GPR89B: variants seen among roughly 807,000 people sequenced by gnomAD.
The protein encoded by GPR89B is G protein-coupled receptor 89B.
Under a neutral mutation model 52.4 loss-of-function variants are expected in GPR89B, and 25 were observed. The ratio of observed to expected loss-of-function variants is 0.48; its 90% CI spans 0.35 to 0.67. GPR89B has a LOEUF of 0.67. GPR89B is among the 30% of genes least tolerant of loss of function. The probability of loss-of-function intolerance (pLI) is 0.01; values close to 1 mark genes in which losing one functional copy is unlikely to be tolerated. For synonymous variants in GPR89B, 52 were observed against 151.2 expected, an observed-to-expected ratio of 0.34 and a Z score of 4.81; for missense variants, 146 against 450.2, an observed-to-expected ratio of 0.32 and a Z score of 6.11.
At chr1:147,976,065 C>A (rs1657804779) in intron 10 of GPR89B, among the ~76,000 whole-genome samples, 3 of 152,276 alleles carry the variant, frequency 2.0e-5, no homozygotes. Flanking sequence ...GAGTGTTCTA[C>A]TTCCAATTAT....
chr1:147,949,029 T>C (rs1553250284), intron 5 of GPR89B, among the ~76,000 whole-genome samples: 1 of 152,146 alleles, frequency 6.6e-6, no homozygotes, highest in Non-Finnish European at 1.5e-5. Context: ...TTAATCCATT[T>C]AACCCTGAGT....
intron 4 of GPR89B, among the ~76,000 whole-genome samples, 188 bp downstream of exon 4, chr1:147,943,732 A>G (rs1420649183): frequency 6.6e-6 from 1 of 151,648 alleles, no homozygotes; most frequent in Non-Finnish European, 1.5e-5. Context: ...TAAATATTGA[A>G]TGAATGATTA....
At chr1:147,964,065 T>C (rs1270499160) in intron 7 of GPR89B, among the ~76,000 whole-genome samples, 15 of 151,992 alleles carry the variant, frequency 9.9e-5, no homozygotes, top group Non-Finnish European at 1.5e-4. Context: ...AGGTGCACCC[T>C]GAAAGATCCT....
rs1414692148 is a variant in GPR89B, at chr1:147,973,781, T to C, written c.909+3822T>C. Among the ~76,000 whole-genome samples, 848 of 151,996 alleles carry C rather than the reference T, an allele frequency of 5.6e-3. 22 individuals carry two copies. The highest frequency in any genetic ancestry group is 0.019 in the African/African-American group (799 of 41,292). On this transcript the variant is annotated intron_variant, in intron 10 of 13. Coordinates refer to ENST00000314163, the MANE Select transcript of GPR89B (RefSeq NM_016334.5). ...GAATGGTATTGCCTAGATTTTCTTC[T>C]AGGTTTTTTATAGTTTGGGGTTTTA...
the GPR89B span, among the ~76,000 whole-genome samples, chr1:148,006,081 A>G: frequency 6.6e-6 from 1 of 152,242 alleles, no homozygotes; most frequent in African/African-American, 2.4e-5. Context: ...ATCTAAAATC[A>G]CAGTTATAGC....
At chr1:147,989,697 T>C (rs1571322833) in intron 12 of GPR89B, among the ~76,000 whole-genome samples, 1 of 152,192 alleles carries the variant, frequency 6.6e-6, no homozygotes, top group East Asian at 1.9e-4. Flanking sequence ...CTTTTTGTCC[T>C]TGCGATAGTT....
At chr1:147,959,012 T>A (rs1308744948) in intron 7 of GPR89B, among the ~76,000 whole-genome samples, 75 of 152,042 alleles carry the variant, frequency 4.9e-4, no homozygotes, top group Non-Finnish European at 9.7e-4. Flanking sequence ...TTTTACAAAA[T>A]AAAATTTTTT....
At position 147,971,766 on chromosome 1, in the gene GPR89B, C is replaced by T. The variant is rs1340242144; in HGVS notation, c.909+1807C>T. ...AAGTGCTGGGATTACAGGCGTGAGC[C>T]ACTGCACCCAGCCAGCATGTCATTT... is the stretch of plus-strand genomic sequence containing the variant. On this transcript the variant is annotated intron_variant, in intron 10 of 13. Coordinates refer to ENST00000314163, the MANE Select transcript of GPR89B (RefSeq NM_016334.5). 2.0e-4 allele frequency among the ~76,000 whole-genome samples: 31 copies of T among 152,130 alleles called. 2 individuals are homozygous for T. In the East Asian group the frequency reaches 5.6e-3, roughly 27 times the overall value.
intron 7 of GPR89B, among the ~76,000 whole-genome samples, chr1:147,957,509 T>G (rs1231052103): frequency 6.6e-6 from 1 of 151,954 alleles, no homozygotes; most frequent in Non-Finnish European, 1.5e-5. Flanking sequence ...CATAGATTCA[T>G]TCACTTAATA....
At chr1:147,951,213 A>G (rs1655664752) in intron 5 of GPR89B, among the ~76,000 whole-genome samples, 1 of 151,318 alleles carries the variant, frequency 6.6e-6, no homozygotes, top group Non-Finnish European at 1.5e-5. Flanking sequence ...CCATTTCTTC[A>G]TCTGTAAAAT....
chr1:147,978,798 G>A (rs1658028671), intron 10 of GPR89B, among the ~76,000 whole-genome samples: 1 of 151,818 alleles, frequency 6.6e-6, no homozygotes, highest in African/African-American at 2.4e-5. Context: ...AATTCCTCCT[G>A]GTCCAAACCA....
the GPR89B span, chr1:148,011,333 G>C: frequency 6.6e-6 from 1 of 152,252 alleles, no homozygotes; most frequent in African/African-American, 2.4e-5. Flanking sequence ...GCCTGTCTTT[G>C]AAAGTGGGGG....
intron 1 of GPR89B, chr1:147,929,004 G>A (rs1203086619): frequency 2.4e-6 from 1 of 412,582 alleles, no homozygotes; most frequent in African/African-American, 2.2e-5. Flanking sequence ...ACACGTCAGT[G>A]CAGGCTTTGC....
intron 13 of GPR89B, 57 bp from the exon 14 acceptor site, chr1:147,992,654 T>G: frequency 6.9e-7 from 1 of 1,454,804 alleles, no homozygotes; most frequent in Non-Finnish European, 9.6e-7. Flanking sequence ...TAATTTCCTT[T>G]GTCCTGTTCC....
chr1:147,946,633 T>TG (rs1654997722), intron 5 of GPR89B, among the ~76,000 whole-genome samples: 1 of 152,044 alleles, frequency 6.6e-6, no homozygotes, highest in South Asian at 2.1e-4. Context: ...CAGTCTCACA[T>TG]GCACTACAAA....
the GPR89B span, chr1:148,009,229 A>G: frequency 3.6e-4 from 442 of 1,216,110 alleles, 6 homozygotes; most frequent in East Asian, 9.7e-3. Context: ...CAAGCTATCT[A>G]TAGCAACTGA....
At chr1:148,009,923 G>A in the GPR89B span, among the ~76,000 whole-genome samples, 2 of 152,112 alleles carry the variant, frequency 1.3e-5, no homozygotes, top group Non-Finnish European at 2.9e-5. Flanking sequence ...GAAAGGGGAA[G>A]GGGGCTAGAG....
the GPR89B span, among the ~76,000 whole-genome samples, chr1:148,007,393 T>A: frequency 4.6e-5 from 7 of 152,052 alleles, no homozygotes; most frequent in African/African-American, 1.7e-4. Context: ...TATTTTTTAT[T>A]GATACATAAC....
chr1:147,951,564 T>A (rs1655697896), intron 5 of GPR89B, among the ~76,000 whole-genome samples: 1 of 151,360 alleles, frequency 6.6e-6, no homozygotes, highest in African/African-American at 2.4e-5. Flanking sequence ...GAAAAGAGAA[T>A]TGAAACTAAA....
Sources: allele counts gnomAD v4.1 joint callset (sites outside exome capture counted in the v4.1 genomes callset), GRCh38; gene constraint gnomAD v4.1.1; transcripts MANE v1.5; gene names NCBI Gene and HGNC (gene_info 2026-07-23, HGNC 2026-07-21).